The following ATP9A variants were observed in gnomAD, a reference collection of about 807,000 sequenced individuals.
ATP9A encodes the protein ATPase phospholipid transporting 9A.
ATP9A carries 52 observed loss-of-function variants against 144.1 expected under a neutral mutation model. That is an observed-to-expected ratio of 0.36 (90% confidence interval 0.29 to 0.45). ATP9A has a LOEUF of 0.45. Among genes scored for constraint, ATP9A ranks in the 20% least tolerant of loss-of-function variants. ATP9A has a pLI of 1.00. For missense variants in ATP9A, 947 were observed against 1,392.7 expected (o/e 0.68, Z 5.09); for synonymous variants, 582 against 557.4 (o/e 1.04, Z -0.62).
At chr20:51,732,309 C>G (rs2077745408) in intron 1 of ATP9A, 1 of 152,474 alleles carries the variant, frequency 6.6e-6, no homozygotes, top group South Asian at 2.1e-4. Flanking sequence ...CACTCAAAGG[C>G]TGAGGCAAGG....
intron 1 of ATP9A, among the ~76,000 whole-genome samples, chr20:51,736,366 T>C (rs1052525292): frequency 2.0e-5 from 3 of 152,188 alleles, no homozygotes; most frequent in Non-Finnish European, 4.4e-5. Context: ...ATCTCATTTA[T>C]AGTTTTAAAA....
chr20:51,655,128 G>A (rs532230246), intron 14 of ATP9A, among the ~76,000 whole-genome samples: 1 of 152,178 alleles, frequency 6.6e-6, no homozygotes, highest in Non-Finnish European at 1.5e-5. Flanking sequence ...TTCCAATTAT[G>A]AGAATAGTTA....
At chr20:51,722,393 G>A (rs770654587) in intron 3 of ATP9A, among the ~76,000 whole-genome samples, 3 of 152,336 alleles carry the variant, frequency 2.0e-5, no homozygotes, top group Non-Finnish European at 4.4e-5. Context: ...ACAGTCAGCA[G>A]AGTAAACAGA....
rs370390457 is a variant in ATP9A at position 51,631,285 on chromosome 20, C to T, written c.1669-2213G>A. Among the ~76,000 whole-genome samples the T allele has an allele frequency of 8.5e-5, 13 of 152,318 alleles. 2 individuals carry two copies. Among genetic ancestry groups the T allele is most frequent in the East Asian group, 1.9e-4 (1 of 5,182 alleles). The stretch of plus-strand genomic sequence containing the variant: ...ACCCCCAGGCCAAGACAGGCACCCA[C>T]GTTTAAAAGCGTTCAACTGCACACT... On this transcript the variant is annotated intron_variant, in intron 15 of 27. Transcript: ENST00000338821.
At position 51,756,255 on chromosome 20, in the gene ATP9A, G is replaced by A. The variant is rs147953439; in HGVS notation, c.68+12047C>T. ...CACCTTCCCCCTGTGTCCTCACACG[G>A]TCTTTTCTCTGGTGTCTCTGTCTTT... is the stretch of plus-strand genomic sequence containing the variant. On this transcript the variant is annotated intron_variant, in intron 1 of 27. Transcript: ENST00000338821. Among the ~76,000 whole-genome samples, 1,087 of 150,808 alleles carry A rather than the reference G, an allele frequency of 7.2e-3. 10 individuals carry two copies. The highest frequency in any genetic ancestry group is 0.022 in the South Asian group (104 of 4,740).
At chr20:51,601,376 G>A (rs769453023) in intron 27 of ATP9A, 29 bp from the exon 28 acceptor site, 15 of 1,586,798 alleles carry the variant, frequency 9.5e-6, no homozygotes, top group Admixed American at 3.5e-5. Flanking sequence ...ACGGCAGTGA[G>A]CAGGCAGGAA....
intron 1 of ATP9A, among the ~76,000 whole-genome samples, chr20:51,738,955 G>A (rs1246965458): frequency 6.6e-6 from 1 of 151,732 alleles, no homozygotes; most frequent in Non-Finnish European, 1.5e-5. Flanking sequence ...GGTGGCAGGT[G>A]CCTGTAGGCC....
rs377145338 is a variant in ATP9A at position 51,756,253 on chromosome 20, C to T, written c.68+12049G>A. Among the ~76,000 whole-genome samples, 36 of 151,534 alleles carry T rather than the reference C, an allele frequency of 2.4e-4. No individual in the cohort carries two copies. In the South Asian group the frequency reaches 6.0e-3, roughly 25 times the overall value. ...GCCACCTTCCCCCTGTGTCCTCACA[C>T]GGTCTTTTCTCTGGTGTCTCTGTCT... On this transcript the variant is annotated intron_variant, in intron 1 of 27. Coordinates refer to ENST00000338821, the MANE Select transcript of ATP9A (RefSeq NM_006045.3).
At chr20:51,604,695 G>GAC in intron 27 of ATP9A, 122 bp downstream of exon 27, 1 of 845,004 alleles carries the variant, frequency 1.2e-6, no homozygotes. Flanking sequence ...GAGCGGGAAG[G>GAC]ACTGCTGGAG....
chr20:51,698,557 A>C (rs1245675539), intron 4 of ATP9A, among the ~76,000 whole-genome samples: 1 of 152,164 alleles, frequency 6.6e-6, no homozygotes, highest in African/African-American at 2.4e-5. Context: ...GCTGTATGCC[A>C]GGCGTTCTAA....
chr20:51,737,814 A>AT (rs1243367972), intron 1 of ATP9A, among the ~76,000 whole-genome samples: 1 of 152,146 alleles, frequency 6.6e-6, no homozygotes, highest in East Asian at 1.9e-4. Flanking sequence ...ATACTACGGG[A>AT]TACAAAACCA....
chr20:51,634,543 T>C (rs2077282657), intron 15 of ATP9A, among the ~76,000 whole-genome samples: 1 of 152,122 alleles, frequency 6.6e-6, no homozygotes, highest in African/African-American at 2.4e-5. Context: ...AAGAACCTAT[T>C]GGCCTCTGGA....
chr20:51,750,320 G>A (rs118151281), intron 1 of ATP9A, among the ~76,000 whole-genome samples: 3,625 of 152,186 alleles, frequency 0.024, 64 homozygotes, highest in Non-Finnish European at 0.037. Flanking sequence ...GTCACTAAGC[G>A]TGGGCTGATG....
At chr20:51,763,807 T>C (rs796871414) in intron 1 of ATP9A, among the ~76,000 whole-genome samples, 70 of 152,222 alleles carry the variant, frequency 4.6e-4, no homozygotes, top group African/African-American at 1.6e-3. Context: ...CCACAAAACG[T>C]AGATTGTTAC....
At position 51,627,703 on chromosome 20, in the gene ATP9A, C is replaced by G. The variant is rs754387552; in HGVS notation, c.1762-20G>C. ...GCCACACTGAAAAATAGACCACGGT[C>G]GAGTGGGAGCGGTGCTGAGAGCTCC... On this transcript the variant is annotated intron_variant, in intron 16 of 27. Coordinates refer to ENST00000338821, the MANE Select transcript of ATP9A (RefSeq NM_006045.3). 3.5e-5 allele frequency: 56 copies of G among 1,609,218 alleles called. No homozygotes were observed. In the Middle Eastern group the frequency reaches 1.2e-3, roughly 33 times the overall value.
chr20:51,738,099 G>A (rs1294271528), intron 1 of ATP9A, among the ~76,000 whole-genome samples: 1 of 151,114 alleles, frequency 6.6e-6, no homozygotes, highest in Non-Finnish European at 1.5e-5. Context: ...TGTGATCTTG[G>A]CCCACTGCAA....
Position 51,743,058 on chromosome 20 carries a change from C to A in ATP9A, c.69-13080G>T, listed in dbSNP as rs563988784. On this transcript the variant is annotated intron_variant, in intron 1 of 27. Coordinates refer to ENST00000338821, the MANE Select transcript of ATP9A (RefSeq NM_006045.3). The stretch of plus-strand genomic sequence containing the variant: ...AACCTTGAGCTTGGTGGCAAACTTA[C>A]TACAAGTGACCAAATTCCCCCACAT... Among the ~76,000 whole-genome samples the A allele has an allele frequency of 1.3e-3, 196 of 152,342 alleles. 1 individual carries two copies. Among genetic ancestry groups the A allele is most frequent in the African/African-American group, 4.7e-3 (194 of 41,580 alleles).
intron 9 of ATP9A, among the ~76,000 whole-genome samples, chr20:51,682,573 GTATC>G (rs2077504394): frequency 2.3e-5 from 1 of 44,244 alleles, no homozygotes; most frequent in African/African-American, 6.1e-5. Context: ...GCTTTTCACT[GTATC>G]TTTTTTTTTT....
intron 2 of ATP9A, among the ~76,000 whole-genome samples, chr20:51,726,193 ATCCCAGCTAC>A (rs1026341221): frequency 2.0e-5 from 3 of 151,610 alleles, no homozygotes; most frequent in Non-Finnish European, 4.4e-5. Flanking sequence ...GGCACCTATA[ATCCCAGCTAC>A]TCAGGAGGCT....
Sources: allele counts gnomAD v4.1 joint callset (sites outside exome capture counted in the v4.1 genomes callset), GRCh38; gene constraint gnomAD v4.1.1; transcripts MANE v1.5; gene names NCBI Gene and HGNC (gene_info 2026-07-23, HGNC 2026-07-21).